Variants in NPHP1 observed in about 807,000 individuals in gnomAD.
NPHP1 encodes the protein nephrocystin 1.
In NPHP1, 70 loss-of-function variants were observed where a neutral mutation model predicts 90.4. The observed-to-expected ratio is 0.77, with a 90% CI of 0.64 to 0.95. NPHP1 has a LOEUF of 0.95. Among genes scored for constraint, NPHP1 ranks in the 40% least tolerant of loss-of-function variants. The pLI is 0.00. For synonymous variants in NPHP1, 256 were observed against 271.7 expected, an observed-to-expected ratio of 0.94 and a Z score of 0.57; for missense variants, 764 against 795.9, an observed-to-expected ratio of 0.96 and a Z score of 0.48.
intron 2 of NPHP1, among the ~76,000 whole-genome samples, chr2:110,193,973 C>T (rs1684948341): frequency 6.6e-6 from 1 of 151,986 alleles, no homozygotes; most frequent in Admixed American, 6.6e-5. Context: ...AACAAAGCCA[C>T]AACATACCAG....
chr2:110,139,383 C>T (rs1680460516), intron 16 of NPHP1, among the ~76,000 whole-genome samples: 2 of 152,098 alleles, frequency 1.3e-5, no homozygotes, highest in Non-Finnish European at 2.9e-5. Context: ...AAAATAGCTC[C>T]AAAAGACAAA....
At chr2:110,196,287 T>A (rs931615357) in intron 2 of NPHP1, among the ~76,000 whole-genome samples, 4 of 151,878 alleles carry the variant, frequency 2.6e-5, no homozygotes, top group Non-Finnish European at 5.9e-5. Flanking sequence ...GAATCTACAA[T>A]GAACTCAAAC....
Position 110,124,014 on chromosome 2 carries a change from C to T in NPHP1, c.1811G>A (p.Cys604Tyr). Residue 604 changes from cysteine to tyrosine, a missense_variant, in exon 20 of 20, where the codon TGC (cysteine) becomes TAC (tyrosine). Coordinates refer to ENST00000445609, the MANE Select transcript of NPHP1 (RefSeq NM_001128178.3). ...TGTGGAGTGGAGAAGTGGGAGCACG[C>T]AGTCATGGTAAACCAGGAGAAACGT... ...KSTFLLVYHDCVLPLLHSTRL... is the reference protein window; with the variant it reads ...KSTFLLVYHDYVLPLLHSTRL... The T allele has an allele frequency of 6.2e-7, 1 of 1,614,090 alleles. No homozygotes were observed. Among genetic ancestry groups the T allele is most frequent in the African/African-American group, 1.3e-5 (1 of 75,032 alleles).
intron 19 of NPHP1, 174 bp downstream of exon 19, chr2:110,125,463 C>T (rs1679281383): frequency 1.4e-5 from 15 of 1,103,360 alleles, no homozygotes; most frequent in East Asian, 4.7e-5. Flanking sequence ...CATTAGCTAA[C>T]GATCATGCGT....
At chr2:110,156,370 T>G (rs1263287442) in intron 11 of NPHP1, among the ~76,000 whole-genome samples, 1 of 152,152 alleles carries the variant, frequency 6.6e-6, no homozygotes, top group Non-Finnish European at 1.5e-5. Flanking sequence ...CCTTTCACCT[T>G]CTGCCATGAT....
At chr2:110,167,977 G>C (rs1171549521) in intron 6 of NPHP1, among the ~76,000 whole-genome samples, 3 of 152,148 alleles carry the variant, frequency 2.0e-5, no homozygotes, top group African/African-American at 7.2e-5. Context: ...TGTGTGGTTT[G>C]CATCATAGTT....
intron 12 of NPHP1, 75 bp downstream of exon 12, chr2:110,150,107 C>T: frequency 2.7e-6 from 3 of 1,108,818 alleles, no homozygotes; most frequent in Non-Finnish European, 4.2e-6. Flanking sequence ...CCCACATACT[C>T]TGTGCTATTT....
rs1183414637 is a variant in NPHP1 at position 110,165,261 on chromosome 2, T to C, written c.625-106A>G. The C allele has an allele frequency of 4.5e-6, 4 of 898,758 alleles. No homozygotes were observed. In the African/African-American group the frequency reaches 6.7e-5, roughly 15 times the overall value. 55.7% of individuals were successfully genotyped at this position (898,758 alleles called of 1,614,324 possible). A position where few individuals can be genotyped will look rare whatever the true frequency, so the allele number is the denominator to read the frequency against. On this transcript the variant is annotated intron_variant, in intron 6 of 19. Coordinates refer to ENST00000445609, the MANE Select transcript of NPHP1 (RefSeq NM_001128178.3). ...CCTCCAGTAAAAACAAAAACAAGCTTTTCTGTTTAAAAACAAAAAAACAAA... is the reference window on the plus strand; with the variant it reads ...CCTCCAGTAAAAACAAAAACAAGCTCTTCTGTTTAAAAACAAAAAAACAAA...
chr2:110,155,824 C>G (rs1681848094), intron 11 of NPHP1, among the ~76,000 whole-genome samples: 1 of 152,030 alleles, frequency 6.6e-6, no homozygotes, highest in African/African-American at 2.4e-5. Context: ...CTTGCCTTAT[C>G]TTAGATGAGA....
In NPHP1 at chr2:110,150,192, A is replaced by C. The variant is rs750389892; in HGVS notation, c.1148T>G (p.Phe383Cys). 1 of 1,613,238 alleles carries C rather than the reference A, an allele frequency of 6.2e-7. No individual in the cohort carries two copies. The change falls in exon 12 of 20, where the codon TTT becomes TGT. Residue 383 changes from phenylalanine to cysteine, a missense_variant. Coordinates refer to ENST00000445609, the MANE Select transcript of NPHP1 (RefSeq NM_001128178.3). ...WQPKKPKTWT[F>C]SPQVTRILPC... ...CAGCAGATTACTTACCTGGGGAGAA[A>C]AGGTCCATGTTTTGGGCTTTTTAGG... is the stretch of plus-strand genomic sequence containing the variant.
chr2:110,137,534 C>A (rs1229522071), intron 16 of NPHP1, among the ~76,000 whole-genome samples: 1 of 152,070 alleles, frequency 6.6e-6, no homozygotes, highest in Non-Finnish European at 1.5e-5. Context: ...AGACACTTCT[C>A]AAAAGAAGAC....
intron 14 of NPHP1, 148 bp from the exon 15 acceptor site, chr2:110,144,717 T>C: frequency 1.5e-6 from 1 of 653,912 alleles, no homozygotes; most frequent in Non-Finnish European, 2.8e-6. Context: ...TGTTGATCCC[T>C]CCATGAGGTA....
At chr2:110,138,703 T>C (rs1325810298) in intron 16 of NPHP1, among the ~76,000 whole-genome samples, 1 of 152,096 alleles carries the variant, frequency 6.6e-6, no homozygotes, top group South Asian at 2.1e-4. Context: ...CACGGTCCCA[T>C]TGCACAGTGT....
At chr2:110,124,673 G>GTGTTTTAATGAT in intron 19 of NPHP1, 1 of 178,616 alleles carries the variant, frequency 5.6e-6, no homozygotes, top group Non-Finnish European at 1.2e-5. Context: ...ACAGCAAGTT[G>GTGTTTTAATGAT]AGGGCAGAGC....
At chr2:110,173,192 G>A (rs796100873) in intron 4 of NPHP1, among the ~76,000 whole-genome samples, 38 of 152,062 alleles carry the variant, frequency 2.5e-4, no homozygotes, top group African/African-American at 8.9e-4. Context: ...TCTTGACCTC[G>A]TGATTCGCCC....
intron 10 of NPHP1, 141 bp downstream of exon 10, chr2:110,161,462 A>G: frequency 1.6e-6 from 1 of 617,892 alleles, no homozygotes; most frequent in South Asian, 2.0e-5. Context: ...TTAGTTATAA[A>G]AATATCGCTA....
At chr2:110,153,909 G>A (rs1296644829) in intron 11 of NPHP1, among the ~76,000 whole-genome samples, 1 of 151,988 alleles carries the variant, frequency 6.6e-6, no homozygotes, top group Non-Finnish European at 1.5e-5. Flanking sequence ...CTTAAACACA[G>A]GAGGCAGAGG....
In NPHP1 at chr2:110,144,556, A is replaced by C; in HGVS notation, c.1366T>G (p.Phe456Val). 1 of 1,597,570 alleles carries C rather than the reference A, an allele frequency of 6.3e-7. No individual in the cohort carries two copies. The highest frequency in any genetic ancestry group is 8.6e-7 in the Non-Finnish European group (1 of 1,165,158). ...TCATAAGGAGTACCACCATTCAAGA[A>C]AAGCTCATAAGTTCTATAAAAGAAT... is the stretch of plus-strand genomic sequence containing the variant. Reference protein sequence around the residue: ...VPIPAKTYELFLNGGTPYEKG... With the variant: ...VPIPAKTYELVLNGGTPYEKG... The change falls in exon 15 of 20, where the codon TTC becomes GTC. Residue 456 changes from phenylalanine to valine, a missense_variant. By Grantham distance (50) the Phe-to-Val change is conservative. Transcript: ENST00000445609.
rs569822481 is a variant in NPHP1 at position 110,157,070 on chromosome 2, C to T, written c.1083+3057G>A. Among the ~76,000 whole-genome samples the T allele has an allele frequency of 2.6e-5, 4 of 152,210 alleles. No individual in the cohort carries two copies. In the East Asian group the frequency reaches 5.8e-4, roughly 22 times the overall value. On this transcript the variant is annotated intron_variant, in intron 11 of 19. Coordinates refer to ENST00000445609, the MANE Select transcript of NPHP1 (RefSeq NM_001128178.3). Reference sequence around the variant, plus strand: ...GATTACAGGCGTGAGCCACTGCGCCCAGCCCAATGCTTTTTATTCATAACT... The same window carrying T: ...GATTACAGGCGTGAGCCACTGCGCCTAGCCCAATGCTTTTTATTCATAACT...
Sources: gnomAD v4.1 joint callset for allele counts (sites outside exome capture counted in the v4.1 genomes callset) on GRCh38, gnomAD v4.1.1 for gene constraint, MANE v1.5 for transcripts, NCBI Gene and HGNC (gene_info 2026-07-23, HGNC 2026-07-21) for gene names.